The following NELFCD variants were observed in gnomAD, a reference collection of about 807,000 sequenced individuals.
NELFCD encodes negative elongation factor complex member C/D, also known as negative elongation factor C/D.
In NELFCD, 48 loss-of-function variants were observed where a neutral mutation model predicts 72.9. The observed-to-expected ratio is 0.66, with a 90% CI of 0.52 to 0.84. NELFCD has a LOEUF of 0.84. Ranked by LOEUF, NELFCD falls within the 40% of genes least tolerant of loss-of-function variation. The pLI is 0.00. For missense variants in NELFCD, 538 were observed against 723.8 expected (o/e 0.74, Z 2.94); for synonymous variants, 297 against 280.6 (o/e 1.06, Z -0.59).
At chr20:58,991,265 G>A in intron 8 of NELFCD, 47 bp from the exon 9 acceptor site, 2 of 1,612,246 alleles carry the variant, frequency 1.2e-6, no homozygotes, top group Non-Finnish European at 1.7e-6. Context: ...TGGGTGAGCA[G>A]TGCCCTCACG....
At chr20:58,989,089 T>C in intron 5 of NELFCD, 68 bp downstream of exon 5, 1 of 1,181,140 alleles carries the variant, frequency 8.5e-7, no homozygotes, top group African/African-American at 1.5e-5. Flanking sequence ...TTGGTCTGTT[T>C]CCTTTGACAG....
intron 3 of NELFCD, 98 bp from the exon 4 acceptor site, chr20:58,987,610 G>C: frequency 4.3e-6 from 4 of 932,672 alleles, no homozygotes; most frequent in Non-Finnish European, 6.8e-6. Context: ...CAATTCTTTG[G>C]TATTTGATTC....
chr20:58,989,840 C>T lies in NELFCD; in HGVS notation c.658-18C>T. The T allele has an allele frequency of 6.2e-7, 1 of 1,614,148 alleles. No homozygotes were observed. The highest frequency in any genetic ancestry group is 1.1e-5 in the South Asian group (1 of 91,074). On this transcript the variant is annotated intron_variant, in intron 6 of 14. Coordinates refer to ENST00000652272, the MANE Select transcript of NELFCD (RefSeq NM_198976.4). ...TACAGTAGTAAACCCTGCCCCCTCT[C>T]TCCCTGCAATCTTGCAGAAGATGGT...
At chr20:58,982,837 A>G (rs2146346824) in intron 1 of NELFCD, among the ~76,000 whole-genome samples, 2 of 152,276 alleles carry the variant, frequency 1.3e-5, no homozygotes, top group Middle Eastern at 3.4e-3. Context: ...AGTCAGACTT[A>G]GCTAACTGAG....
Position 58,981,321 on chromosome 20 carries a change from C to T in NELFCD, c.12C>T (p.Asp4=). The T allele has an allele frequency of 4.5e-6, 5 of 1,101,144 alleles. No homozygotes were observed. Among genetic ancestry groups the T allele is most frequent in the Non-Finnish European group, 5.6e-6 (5 of 900,880 alleles). The allele number at this position is 1,101,144 out of a possible 1,614,324, so 68.2% of individuals were successfully genotyped here. A position where few individuals can be genotyped will look rare whatever the true frequency, so the allele number is the denominator to read the frequency against. The change falls in exon 1 of 15, where the codon GAC becomes GAT. Residue 4 remains aspartate (D), a synonymous_variant. Coordinates refer to ENST00000652272, the MANE Select transcript of NELFCD (RefSeq NM_198976.4). ...TGCCGGGCGCCATCATGGACGAGGA[C>T]TACTACGGGAGCGCGGCCGAGTGGG... is the stretch of plus-strand genomic sequence containing the variant. The part of the protein sequence containing the change: MDE[D]YYGSAAEWGD...
chr20:58,985,106 C>T (rs1477506748), intron 1 of NELFCD, among the ~76,000 whole-genome samples: 1 of 152,212 alleles, frequency 6.6e-6, no homozygotes, highest in African/African-American at 2.4e-5. Context: ...TAACTACTTA[C>T]CTCTGCCCTT....
intron 4 of NELFCD, among the ~76,000 whole-genome samples, chr20:58,988,268 G>A (rs1164291421): frequency 6.6e-6 from 1 of 152,198 alleles, no homozygotes; most frequent in Admixed American, 6.5e-5. Flanking sequence ...AAAGGAATGA[G>A]GGTTAGTAGG....
intron 1 of NELFCD, among the ~76,000 whole-genome samples, chr20:58,983,563 T>C (rs528751011): frequency 2.0e-5 from 3 of 151,878 alleles, no homozygotes; most frequent in Admixed American, 6.6e-5. Flanking sequence ...GTAGCTGGAA[T>C]TACAGGCCGG....
In NELFCD at chr20:58,986,376, G is replaced by C; in HGVS notation, c.176+168G>C. 1 of 581,668 alleles carries C rather than the reference G, an allele frequency of 1.7e-6. No individual in the cohort carries two copies. Among genetic ancestry groups the C allele is most frequent in the South Asian group, 2.2e-5 (1 of 46,214 alleles). The allele number at this position is 581,668 out of a possible 1,614,324, so 36.0% of individuals were successfully genotyped here. A position where few individuals can be genotyped will look rare whatever the true frequency, so the allele number is the denominator to read the frequency against. On this transcript the variant is annotated intron_variant, in intron 2 of 14. Transcript: ENST00000652272. The surrounding 1 kb of genome is among the most constrained non-coding windows in gnomAD (Gnocchi z 4.4). The stretch of plus-strand genomic sequence containing the variant: ...TTTTTTTTTTTTTAAATTTTTTTAA[G>C]ACAGAGTCTTGCTCTGTTGCAGTGG...
chr20:58,994,815 A>G lies in NELFCD; in HGVS notation c.*139A>G, dbSNP rs1480565822. 1.6e-5 allele frequency: 11 copies of G among 701,188 alleles called. No individual in the cohort carries two copies. The highest frequency in any genetic ancestry group is 2.6e-5 in the Non-Finnish European group (10 of 391,920). 43.4% of individuals were successfully genotyped at this position (701,188 alleles called of 1,614,324 possible). The stretch of plus-strand genomic sequence containing the variant: ...GGAGGAGGTGGATGACTTCTTTACA[A>G]AGGAAAATGGTAGCAGCTTCAGTGA... On this transcript the variant is annotated 3_prime_UTR_variant, in exon 15 of 15. Transcript: ENST00000652272.
At chr20:58,981,528 C>T (rs2091732253) in intron 1 of NELFCD, among the ~76,000 whole-genome samples, 159 bp downstream of exon 1, 1 of 147,584 alleles carries the variant, frequency 6.8e-6, no homozygotes, top group Non-Finnish European at 1.5e-5. Flanking sequence ...TCAAGCACAG[C>T]CCGCCCCGCC....
At position 58,986,732 on chromosome 20, in the gene NELFCD, T is replaced by C; in HGVS notation, c.177-22T>C. 1 of 1,390,690 alleles carries C rather than the reference T, an allele frequency of 7.2e-7. No homozygotes were observed. The highest frequency in any genetic ancestry group is 1.0e-6 in the Non-Finnish European group (1 of 976,020). The allele number at this position is 1,390,690 out of a possible 1,614,324, so 86.1% of individuals were successfully genotyped here. The stretch of plus-strand genomic sequence containing the variant: ...CATCATTCCATTCATTCGGGTGTAA[T>C]TGCTGTTGTTACTTTCCCTAGGTAT... On this transcript the variant is annotated intron_variant, in intron 2 of 14. Transcript: ENST00000652272. The surrounding 1 kb of genome is among the most constrained non-coding windows in gnomAD (Gnocchi z 4.4).
At position 58,986,569 on chromosome 20, in the gene NELFCD, C is replaced by T; in HGVS notation, c.177-185C>T. ...CGTTGCCCTGGCTGCTCTTGAACTC[C>T]TAGGCTCAAGTGATTCTCCCACCTC... On this transcript the variant is annotated intron_variant, in intron 2 of 14. Coordinates refer to ENST00000652272, the MANE Select transcript of NELFCD (RefSeq NM_198976.4). This position sits in a 1 kb window ranked among gnomAD's most constrained non-coding sequence, Gnocchi z 4.4. 1.6e-6 allele frequency: 1 copy of T among 625,340 alleles called. No individual in the cohort carries two copies. Among genetic ancestry groups the T allele is most frequent in the East Asian group, 2.9e-5 (1 of 34,852 alleles). 38.7% of individuals were successfully genotyped at this position (625,340 alleles called of 1,614,324 possible). A position where few individuals can be genotyped will look rare whatever the true frequency, so the allele number is the denominator to read the frequency against.
chr20:58,981,412 C>A, intron 1 of NELFCD, 43 bp downstream of exon 1: 2 of 942,200 alleles, frequency 2.1e-6, no homozygotes, highest in South Asian at 4.8e-5. Context: ...AATCGTTCGT[C>A]TCCGCCGCCG....
chr20:58,991,631 T>C, intron 9 of NELFCD, 185 bp downstream of exon 9: 1 of 760,016 alleles, frequency 1.3e-6, no homozygotes, highest in Admixed American at 2.9e-5. Context: ...ATGTCTCCAA[T>C]GCTCTGCAAA....
intron 5 of NELFCD, 63 bp downstream of exon 5, chr20:58,989,084 C>G (rs2091794116): frequency 1.6e-6 from 2 of 1,271,134 alleles, no homozygotes; most frequent in Non-Finnish European, 1.1e-6. Flanking sequence ...GGTTGTTGGT[C>G]TGTTTCCTTT....
intron 1 of NELFCD, among the ~76,000 whole-genome samples, chr20:58,981,729 TG>T (rs1223429817): frequency 6.6e-6 from 1 of 151,378 alleles, no homozygotes; most frequent in Non-Finnish European, 1.5e-5. Flanking sequence ...AACGCTAAGG[TG>T]GAGGGTTGGG....
At chr20:58,985,234 C>T (rs1464815558) in intron 1 of NELFCD, among the ~76,000 whole-genome samples, 1 of 152,030 alleles carries the variant, frequency 6.6e-6, no homozygotes, top group African/African-American at 2.4e-5. Context: ...GTTTGCTGAC[C>T]CCTGGCCCAG....
chr20:58,984,976 C>T (rs920576218), intron 1 of NELFCD, among the ~76,000 whole-genome samples: 5 of 152,210 alleles, frequency 3.3e-5, no homozygotes, highest in African/African-American at 1.2e-4. Context: ...ACTGGGAAGT[C>T]ATCGGGTTCT....
Sources: allele counts gnomAD v4.1 joint callset (sites outside exome capture counted in the v4.1 genomes callset), GRCh38; gene constraint gnomAD v4.1.1; non-coding constraint Gnocchi (gnomAD v3.1); transcripts MANE v1.5; gene names NCBI Gene and HGNC (gene_info 2026-07-23, HGNC 2026-07-21).